The following GREB1 variants were observed in gnomAD, a reference collection of about 807,000 sequenced individuals.
GREB1 encodes the protein growth regulating estrogen receptor binding 1.
GREB1 carries 106 observed loss-of-function variants against 200.7 expected under a neutral mutation model. That is an observed-to-expected ratio of 0.53 (90% CI 0.45 to 0.62). GREB1 has a LOEUF of 0.62. Among genes scored for constraint, GREB1 ranks in the 20% least tolerant of loss-of-function variants. The pLI is 0.00. For missense variants in GREB1, 2,243 were observed against 2,556.8 expected (o/e 0.88, Z 2.65); for synonymous variants, 1,132 against 1,092.4 (o/e 1.04, Z -0.72).
rs1215517937 is a variant in GREB1 at position 11,620,926 on chromosome 2, C to T, written c.4066C>T (p.Leu1356=). ...ACAGATCGGGAAGACAGGTGCCTAC[C>T]TGCAGTTCCTCAGTGTCCTGTCCAG... is the stretch of plus-strand genomic sequence containing the variant. ...PPQIGKTGAY[L]QFLSVLSRML... Residue 1356 remains leucine, a synonymous_variant, in exon 23 of 33, where the codon CTG becomes TTG. Transcript: ENST00000381486. The T allele has an allele frequency of 1.2e-6, 2 of 1,610,852 alleles. No individual in the cohort carries two copies. The highest frequency in any genetic ancestry group is 1.7e-6 in the Non-Finnish European group (2 of 1,177,100).
At chr2:11,574,293 T>C (rs1678615255) in intron 4 of GREB1, among the ~76,000 whole-genome samples, 1 of 152,142 alleles carries the variant, frequency 6.6e-6, no homozygotes, top group African/African-American at 2.4e-5. Context: ...AGAGGAATAA[T>C]GATGGGAAAA....
In GREB1 at chr2:11,598,609, AGGT is replaced by A. The variant is rs1681479269; in HGVS notation, c.2153-69_2153-67del. 5.8e-6 allele frequency: 8 copies of A among 1,378,406 alleles called. No individual in the cohort carries two copies. The East Asian group carries it at 1.8e-4, about 32-fold the overall frequency. 85.4% of individuals were successfully genotyped at this position (1,378,406 alleles called of 1,614,324 possible). On this transcript the variant is annotated intron_variant, in intron 14 of 32. Coordinates refer to ENST00000381486, the MANE Select transcript of GREB1 (RefSeq NM_014668.4). ...ACCTGCTGTGTAGGAGTCGCTCCTC[AGGT>A]GTCTGTTGAGTGAATGAAACCCAGT...
chr2:11,601,124 A>C lies in GREB1; in HGVS notation c.2529+129A>C. 1.8e-5 allele frequency: 13 copies of C among 714,100 alleles called. No individual in the cohort carries two copies. In the South Asian group the frequency reaches 2.5e-4, roughly 14 times the overall value. 44.2% of individuals were successfully genotyped at this position (714,100 alleles called of 1,614,324 possible). A position where few individuals can be genotyped will look rare whatever the true frequency, so the allele number is the denominator to read the frequency against. On this transcript the variant is annotated intron_variant, in intron 16 of 32. Transcript: ENST00000381486. The stretch of plus-strand genomic sequence containing the variant: ...TTCCAGCTCCTTGGATCTTTGGTTC[A>C]ACCCAGAGTTAGGTTGTAAACCCTT...
Position 11,633,358 on chromosome 2 carries a change from C to G in GREB1, c.4991+295C>G, listed in dbSNP as rs6726531. 0.13 allele frequency among the ~76,000 whole-genome samples: 19,850 copies of G among 151,818 alleles called. 1,478 individuals are homozygous for G. Among genetic ancestry groups the G allele is most frequent in the African/African-American group, 0.19 (7,999 of 41,398 alleles). On this transcript the variant is annotated intron_variant, in intron 28 of 32. Coordinates refer to ENST00000381486, the MANE Select transcript of GREB1 (RefSeq NM_014668.4). This position sits in a 1 kb window ranked among gnomAD's most constrained non-coding sequence, Gnocchi z 4.1. ...TGGGTGGATCACGAGGTCAGGAGAT[C>G]GAGACCATCCTGGCTAACACGGTGA...
chr2:11,554,893 A>T (rs192190041), intron 1 of GREB1, among the ~76,000 whole-genome samples: 119 of 152,362 alleles, frequency 7.8e-4, no homozygotes, highest in Non-Finnish European at 1.3e-3. Context: ...GGAAATAAAT[A>T]ATATGAAGCT....
At chr2:11,489,498 C>A (rs1672733844) in intron 1 of GREB1, among the ~76,000 whole-genome samples, 1 of 152,138 alleles carries the variant, frequency 6.6e-6, no homozygotes, top group African/African-American at 2.4e-5. Context: ...ACTTTGAAGT[C>A]TTGCCCCCAA....
At chr2:11,568,624 C>A (rs532856329) in intron 4 of GREB1, among the ~76,000 whole-genome samples, 1 of 152,368 alleles carries the variant, frequency 6.6e-6, no homozygotes, top group Non-Finnish European at 1.5e-5. Flanking sequence ...TTTGATCTGG[C>A]GGTGGCCGGG....
chr2:11,521,378 G>A (rs556832864), intron 1 of GREB1, among the ~76,000 whole-genome samples: 49 of 152,262 alleles, frequency 3.2e-4, no homozygotes, highest in African/African-American at 1.2e-3. Context: ...CTAAAATGCC[G>A]AGAGTACAGG....
intron 1 of GREB1, among the ~76,000 whole-genome samples, chr2:11,544,685 C>G (rs1675093417): frequency 6.6e-6 from 1 of 152,192 alleles, no homozygotes. Flanking sequence ...CAGGGAAGGG[C>G]CCATGGTGCT....
chr2:11,504,160 G>A (rs1046759468), intron 1 of GREB1, among the ~76,000 whole-genome samples: 4 of 152,168 alleles, frequency 2.6e-5, no homozygotes, highest in Admixed American at 6.5e-5. Flanking sequence ...GGTCATAAGT[G>A]ACTAGTGGTC....
upstream of GREB1, among the ~76,000 whole-genome samples, chr2:11,530,713 T>C (rs1225808609): frequency 3.3e-5 from 5 of 152,102 alleles, no homozygotes; most frequent in Non-Finnish European, 2.9e-5. Flanking sequence ...TCAAAGACGA[T>C]GATGAAGTGC....
At chr2:11,601,047 G>C in intron 16 of GREB1, 52 bp downstream of exon 16, 5 of 1,461,134 alleles carry the variant, frequency 3.4e-6, no homozygotes, top group Non-Finnish European at 4.7e-6. Context: ...ACTTGGGTTT[G>C]CAGAAATTAC....
Position 11,595,460 on chromosome 2 carries a change from C to G in GREB1, c.1825+81C>G, listed in dbSNP as rs1031740801. Reference sequence around the variant, plus strand: ...GCCGGGGGAGGTCATCTCTGCCTCACCCTGCCTGTGACCTGCTAAGGCTGG... The same window carrying G: ...GCCGGGGGAGGTCATCTCTGCCTCAGCCTGCCTGTGACCTGCTAAGGCTGG... On this transcript the variant is annotated intron_variant, in intron 12 of 32. Coordinates refer to ENST00000381486, the MANE Select transcript of GREB1 (RefSeq NM_014668.4). 4.1e-6 allele frequency: 6 copies of G among 1,449,770 alleles called. No individual in the cohort carries two copies. In the Admixed American group the frequency reaches 1.1e-4, roughly 26 times the overall value. The allele number at this position is 1,449,770 out of a possible 1,614,324, so 89.8% of individuals were successfully genotyped here.
intron 17 of GREB1, among the ~76,000 whole-genome samples, chr2:11,607,587 T>A (rs1682487065): frequency 1.2e-4 from 1 of 8,376 alleles, no homozygotes; most frequent in Admixed American, 2.7e-3. Context: ...CATATATACA[T>A]ATATACATAT....
In GREB1 at chr2:11,595,297, G is replaced by A. The variant is rs369400404; in HGVS notation, c.1743G>A (p.Ala581=). 38 of 1,613,546 alleles carry A rather than the reference G, an allele frequency of 2.4e-5. No homozygotes were observed. Among genetic ancestry groups the A allele is most frequent in the African/African-American group, 1.6e-4 (12 of 74,920 alleles). ...TTTCCGAGAGCCTTCTCACTCCTGC[G>A]GAGTACCAGAAGGAAGTCAATTACG... ...RILSESLLTP[A]EYQKEVNYEL... is the part of the protein sequence containing the mutation. The change falls in exon 12 of 33, where the codon GCG becomes GCA. Residue 581 remains alanine, a synonymous_variant. Transcript: ENST00000381486.
chr2:11,484,743 A>G (rs1456659425), intron 1 of GREB1, among the ~76,000 whole-genome samples: 1 of 152,226 alleles, frequency 6.6e-6, no homozygotes, highest in Non-Finnish European at 1.5e-5. Flanking sequence ...TGATCGTGCC[A>G]CTGCACTTCA....
rs1011454400 is a variant in GREB1 at position 11,608,688 on chromosome 2, G to A, written c.2667-2000G>A. On this transcript the variant is annotated intron_variant, in intron 17 of 32. Coordinates refer to ENST00000381486, the MANE Select transcript of GREB1 (RefSeq NM_014668.4). ...GTACTCTACAATGTTTCATGACTCC[G>A]AGGTGTTCCATATTGGCTGTGGAAA... Among the ~76,000 whole-genome samples the A allele has an allele frequency of 2.0e-5, 3 of 152,188 alleles. No individual in the cohort carries two copies. In the South Asian group the frequency reaches 6.2e-4, roughly 32 times the overall value.
At chr2:11,540,617 T>C (rs573326897) in intron 1 of GREB1, 2 of 154,590 alleles carry the variant, frequency 1.3e-5, no homozygotes, top group South Asian at 4.1e-4. Flanking sequence ...GGCCAGGCAG[T>C]CTGAGTTGGA....
At position 11,633,715 on chromosome 2, in the gene GREB1, A is replaced by G. The variant is rs1685079830; in HGVS notation, c.4992-416A>G. Among the ~76,000 whole-genome samples the G allele has an allele frequency of 6.6e-6, 1 of 152,198 alleles. No homozygotes were observed. The highest frequency in any genetic ancestry group is 2.4e-5 in the African/African-American group (1 of 41,450). ...GCACATTCATTTAACCTACTCCGAT[A>G]TTAAGAAAGGGACATTGCTGCCCCC... On this transcript the variant is annotated intron_variant, in intron 28 of 32. Coordinates refer to ENST00000381486, the MANE Select transcript of GREB1 (RefSeq NM_014668.4). The surrounding 1 kb of genome is among the most constrained non-coding windows in gnomAD (Gnocchi z 4.1).
Sources: allele counts gnomAD v4.1 joint callset (sites outside exome capture counted in the v4.1 genomes callset), GRCh38; gene constraint gnomAD v4.1.1; non-coding constraint Gnocchi (gnomAD v3.1); transcripts MANE v1.5; gene names NCBI Gene and HGNC (gene_info 2026-07-23, HGNC 2026-07-21).